The following RALYL variants were observed in gnomAD, a reference collection of about 807,000 sequenced individuals.
RALYL encodes RALY RNA binding protein like, also known as RNA-binding Raly-like protein.
In RALYL, 29 loss-of-function variants were observed where a neutral mutation model predicts 35.1. The ratio of observed to expected loss-of-function variants is 0.83; its 90% CI spans 0.61 to 1.13. The LOEUF (loss-of-function observed/expected upper bound fraction) is 1.13, where lower values mean the gene tolerates loss of function less well. Among genes scored for constraint, RALYL ranks in the 50% most tolerant of loss-of-function variants. The pLI is 0.00. For synonymous variants in RALYL, 120 were observed against 127.6 expected, an observed-to-expected ratio of 0.94 and a Z score of 0.40; for missense variants, 359 against 360.4, an observed-to-expected ratio of 1.00 and a Z score of 0.03.
intron 7 of RALYL, among the ~76,000 whole-genome samples, chr8:84,878,207 G>A (rs1183161454): frequency 6.6e-6 from 1 of 152,156 alleles, no homozygotes; most frequent in African/African-American, 2.4e-5. Context: ...AAAACAGTGG[G>A]TCTCAGGGCT....
At chr8:84,236,655 A>G (rs1308650433) in intron 1 of RALYL, among the ~76,000 whole-genome samples, 3 of 152,206 alleles carry the variant, frequency 2.0e-5, no homozygotes, top group African/African-American at 4.8e-5. Flanking sequence ...TGTGTGTGCC[A>G]GACACAGACA....
intron 2 of RALYL, among the ~76,000 whole-genome samples, chr8:84,609,661 T>C (rs1817862301): frequency 6.6e-6 from 1 of 152,208 alleles, no homozygotes; most frequent in Non-Finnish European, 1.5e-5. Context: ...AGAGTTCCTA[T>C]ATAATCCTGA....
At chr8:84,322,034 A>G (rs1030253004) in intron 1 of RALYL, among the ~76,000 whole-genome samples, 25 of 152,234 alleles carry the variant, frequency 1.6e-4, no homozygotes, top group African/African-American at 6.0e-4. Context: ...AAAAAACCTG[A>G]TAGAACTGAA....
At chr8:84,435,133 GA>G (rs1459048823) in intron 1 of RALYL, among the ~76,000 whole-genome samples, 1 of 151,970 alleles carries the variant, frequency 6.6e-6, no homozygotes, top group African/African-American at 2.4e-5. Context: ...AGCTACTAGG[GA>G]AAAAAGAAAG....
intron 2 of RALYL, among the ~76,000 whole-genome samples, chr8:84,646,175 A>AT (rs145959841): frequency 3.1e-3 from 462 of 148,196 alleles, no homozygotes; most frequent in Middle Eastern, 0.017. Flanking sequence ...TTTTTCTTTT[A>AT]TTTTTTTTTA....
intron 2 of RALYL, among the ~76,000 whole-genome samples, chr8:84,659,778 G>T (rs1830571651): frequency 1.3e-5 from 2 of 152,060 alleles, no homozygotes; most frequent in Admixed American, 6.6e-5. Flanking sequence ...AAATTTGGAA[G>T]ATTTGTGACT....
intron 1 of RALYL, among the ~76,000 whole-genome samples, chr8:84,497,289 T>C (rs943812925): frequency 1.3e-5 from 2 of 152,176 alleles, no homozygotes; most frequent in African/African-American, 4.8e-5. Flanking sequence ...ATCAATTTAT[T>C]CACTCAGGTC....
intron 3 of RALYL, among the ~76,000 whole-genome samples, chr8:84,778,249 A>G (rs1424482767): frequency 2.6e-5 from 4 of 152,206 alleles, no homozygotes; most frequent in African/African-American, 9.6e-5. Flanking sequence ...TTCTTCACGT[A>G]CATCCACTTT....
intron 7 of RALYL, among the ~76,000 whole-genome samples, chr8:84,875,565 A>G (rs552433430): frequency 6.6e-6 from 1 of 152,232 alleles, no homozygotes; most frequent in African/African-American, 2.4e-5. Context: ...TTTGATATTT[A>G]TGTCTCTTTA....
At chr8:84,574,269 G>A (rs1034266423) in intron 2 of RALYL, among the ~76,000 whole-genome samples, 5 of 151,954 alleles carry the variant, frequency 3.3e-5, no homozygotes, top group South Asian at 4.1e-4. Flanking sequence ...TATCAGAACC[G>A]ATATATTTCC....
chr8:84,735,809 C>CGTGAGAGAGAGAGAGAGAGAGAGA (rs766504736), intron 2 of RALYL, among the ~76,000 whole-genome samples: 68 of 119,110 alleles, frequency 5.7e-4, no homozygotes, highest in African/African-American at 1.9e-3. Flanking sequence ...TCATCCAAAC[C>CGTGAGAGAGAGAGAGAGAGAGAGA]GCGAGAGAGA....
intron 1 of RALYL, among the ~76,000 whole-genome samples, chr8:84,406,150 A>T (rs1314724590): frequency 6.6e-6 from 1 of 151,760 alleles, no homozygotes; most frequent in Non-Finnish European, 1.5e-5. Context: ...TAAGTAAGGA[A>T]CTGTTATATG....
chr8:84,758,887 C>A (rs1812045826), intron 2 of RALYL, among the ~76,000 whole-genome samples: 1 of 152,154 alleles, frequency 6.6e-6, no homozygotes, highest in Non-Finnish European at 1.5e-5. Context: ...AGTTTAGTAA[C>A]TTTAAAGACT....
rs186830934 is a variant in RALYL, at chr8:84,758,066, A to G, written c.257-16513A>G. On this transcript the variant is annotated intron_variant, in intron 2 of 8. Transcript: ENST00000521268. Reference sequence around the variant, plus strand: ...AATATGTGTAAAAATTGATGAATGTATTCTTAGTAAGACTGTGTTTTGAGA... The same window carrying G: ...AATATGTGTAAAAATTGATGAATGTGTTCTTAGTAAGACTGTGTTTTGAGA... 8.3e-4 allele frequency among the ~76,000 whole-genome samples: 127 copies of G among 152,260 alleles called. 1 individual carries two copies. Among genetic ancestry groups the G allele is most frequent in the African/African-American group, 2.7e-3 (113 of 41,578 alleles).
In RALYL at chr8:84,657,071, A is replaced by G. The variant is rs576505587; in HGVS notation, c.257-117508A>G. 4.1e-4 allele frequency among the ~76,000 whole-genome samples: 62 copies of G among 152,302 alleles called. No homozygotes were observed. In the South Asian group the frequency reaches 6.8e-3, roughly 17 times the overall value. ...GAAATTTCAGCTGCTGACACTGTAA[A>G]GATTGTTTTCATTTTACTTTTAAAA... On this transcript the variant is annotated intron_variant, in intron 2 of 8. Transcript: ENST00000521268.
At chr8:84,425,406 G>T (rs931860454) in intron 1 of RALYL, among the ~76,000 whole-genome samples, 1 of 152,120 alleles carries the variant, frequency 6.6e-6, no homozygotes, top group African/African-American at 2.4e-5. Context: ...CCCTGCTTCG[G>T]CTCGCGCACG....
chr8:84,599,564 A>G (rs1815417898), intron 2 of RALYL, among the ~76,000 whole-genome samples: 1 of 152,080 alleles, frequency 6.6e-6, no homozygotes, highest in South Asian at 2.1e-4. Context: ...AATCTAAGGC[A>G]ATATATATCT....
At chr8:84,388,810 G>T (rs549028018) in intron 1 of RALYL, among the ~76,000 whole-genome samples, 66 of 152,074 alleles carry the variant, frequency 4.3e-4, no homozygotes, top group Non-Finnish European at 2.2e-4. Context: ...CACTCTGATG[G>T]TAGTTTCTTT....
chr8:84,552,968 G>GA (rs1289115595), intron 2 of RALYL, among the ~76,000 whole-genome samples: 2 of 151,920 alleles, frequency 1.3e-5, no homozygotes, highest in African/African-American at 2.4e-5. Flanking sequence ...CGCAAGGAGG[G>GA]AAAAAATTCA....
Sources: gnomAD v4.1 joint callset for allele counts (sites outside exome capture counted in the v4.1 genomes callset) on GRCh38, gnomAD v4.1.1 for gene constraint, MANE v1.5 for transcripts, NCBI Gene and HGNC (gene_info 2026-07-23, HGNC 2026-07-21) for gene names.